Variants in MAFF observed in about 807,000 individuals in gnomAD.
The protein encoded by MAFF is transcription factor MafF.
Under a neutral mutation model 2.7 loss-of-function variants are expected in MAFF, and 4 were observed. That is an observed-to-expected ratio of 1.48 (90% CI 0.73 to 3.39). The LOEUF (loss-of-function observed/expected upper bound fraction) is 3.39. MAFF is among the 30% of genes most tolerant of loss of function. The probability of loss-of-function intolerance (pLI) is 0.01; values close to 1 mark genes in which losing one functional copy is unlikely to be tolerated. For missense variants in MAFF, 190 were observed against 246.6 expected (o/e 0.77, Z 1.54); for synonymous variants, 113 against 119.4 (o/e 0.95, Z 0.35).
intron 1 of MAFF, among the ~76,000 whole-genome samples, chr22:38,209,286 C>T (rs957300448): frequency 1.4e-4 from 21 of 151,816 alleles, no homozygotes; most frequent in Non-Finnish European, 2.9e-4. Flanking sequence ...AGGATGGTCT[C>T]AATCTCCTTA....
intron 1 of MAFF, among the ~76,000 whole-genome samples, chr22:38,207,751 C>T (rs1036993229): frequency 1.3e-5 from 2 of 152,272 alleles, no homozygotes; most frequent in East Asian, 3.9e-4. Context: ...GTGTGCACCA[C>T]TGCACCCGGC....
In MAFF at chr22:38,214,914, G is replaced by A. The variant is rs1397592108; in HGVS notation, c.*36G>A. The A allele has an allele frequency of 1.0e-5, 15 of 1,429,148 alleles. No homozygotes were observed. The highest frequency in any genetic ancestry group is 1.8e-4 in the Middle Eastern group (1 of 5,696). The allele number at this position is 1,429,148 out of a possible 1,614,324, so 88.5% of individuals were successfully genotyped here. On this transcript the variant is annotated 3_prime_UTR_variant, in exon 3 of 3. Coordinates refer to ENST00000338483, the MANE Select transcript of MAFF (RefSeq NM_012323.4). The surrounding 1 kb of genome is among the most constrained non-coding windows in gnomAD (Gnocchi z 6.3). ...CGCCATGCCTCAGCCACGCCCCTCC[G>A]GCCTCAGCTCCCTCCCCAAAGTGCC...
intron 1 of MAFF, chr22:38,205,580 C>T (rs976548865): frequency 2.0e-4 from 30 of 152,188 alleles, no homozygotes; most frequent in African/African-American, 7.0e-4. Context: ...AGTTGTCAGT[C>T]CCTCAAGAGT....
rs748490230 is a variant in MAFF at position 38,215,147 on chromosome 22, TGA to T, written c.*274_*275del. ...GGCTGAAAGTTTAGCCTTTTTAGAT[TGA>T]GAGATACAGAGCCGGCTTAGAGAAC... On this transcript the variant is annotated 3_prime_UTR_variant, in exon 3 of 3. Coordinates refer to ENST00000338483, the MANE Select transcript of MAFF (RefSeq NM_012323.4). The T allele has an allele frequency of 3.6e-5, 15 of 421,532 alleles. No homozygotes were observed. The highest frequency in any genetic ancestry group is 3.9e-4 in the Middle Eastern group (1 of 2,532). 26.1% of individuals were successfully genotyped at this position (421,532 alleles called of 1,614,324 possible).
At chr22:38,210,658 G>GTGTA (rs1036031768) in intron 1 of MAFF, among the ~76,000 whole-genome samples, 7 of 151,584 alleles carry the variant, frequency 4.6e-5, no homozygotes, top group African/African-American at 1.5e-4. Context: ...GTGTGTGTGT[G>GTGTA]TGTCCGTGTG....
intron 1 of MAFF, among the ~76,000 whole-genome samples, chr22:38,205,992 A>T (rs1399329471): frequency 1.3e-5 from 2 of 152,124 alleles, no homozygotes; most frequent in Non-Finnish European, 1.5e-5. Flanking sequence ...GACATCCAGG[A>T]TGCGGTTGAG....
intron 1 of MAFF, among the ~76,000 whole-genome samples, chr22:38,210,529 G>A (rs927523076): frequency 6.6e-6 from 1 of 151,978 alleles, no homozygotes; most frequent in African/African-American, 2.4e-5. Context: ...TAATCGGGGG[G>A]TTGGGAGGGA....
In MAFF at chr22:38,215,007, C is replaced by A; in HGVS notation, c.*129C>A. The stretch of plus-strand genomic sequence containing the variant: ...TGGCCCCTTGGTGCACACACATTCC[C>A]TTCGTGGGCCCTGTCTTCCTCTTGC... On this transcript the variant is annotated 3_prime_UTR_variant, in exon 3 of 3. Transcript: ENST00000338483. The A allele has an allele frequency of 1.4e-6, 1 of 713,614 alleles. No homozygotes were observed. Among genetic ancestry groups the A allele is most frequent in the South Asian group, 1.6e-5 (1 of 60,792 alleles). 44.2% of individuals were successfully genotyped at this position (713,614 alleles called of 1,614,324 possible).
Position 38,214,287 on chromosome 22 carries a change from C to T in MAFF, c.37-133C>T. 1 of 885,674 alleles carries T rather than the reference C, an allele frequency of 1.1e-6. No individual in the cohort carries two copies. Among genetic ancestry groups the T allele is most frequent in the Non-Finnish European group, 1.7e-6 (1 of 600,034 alleles). The allele number at this position is 885,674 out of a possible 1,614,324, so 54.9% of individuals were successfully genotyped here. The stretch of plus-strand genomic sequence containing the variant: ...GGCCCGGTTTCCCCTTCCCGGATTC[C>T]TGCTCCCCTTCGGGGTTTTGGATCA... On this transcript the variant is annotated intron_variant, in intron 2 of 2. Transcript: ENST00000338483. This position sits in a 1 kb window ranked among gnomAD's most constrained non-coding sequence, Gnocchi z 6.3.
chr22:38,210,416 G>A (rs1304939409), intron 1 of MAFF, among the ~76,000 whole-genome samples: 2 of 152,302 alleles, frequency 1.3e-5, no homozygotes, highest in East Asian at 1.9e-4. Context: ...TGAGAACTCA[G>A]CAAGGATTCC....
intron 1 of MAFF, among the ~76,000 whole-genome samples, chr22:38,204,469 G>C (rs1450242049): frequency 1.3e-5 from 2 of 152,296 alleles, no homozygotes; most frequent in South Asian, 2.1e-4. Flanking sequence ...GCCCAGCACA[G>C]AGCCTGGAAC....
intron 1 of MAFF, among the ~76,000 whole-genome samples, chr22:38,205,960 G>A (rs939217925): frequency 1.2e-4 from 19 of 152,216 alleles, no homozygotes; most frequent in Non-Finnish European, 2.2e-4. Context: ...GACATTCCTG[G>A]GCAAACGTGG....
At chr22:38,209,745 C>T (rs982814816) in intron 1 of MAFF, among the ~76,000 whole-genome samples, 1 of 124,808 alleles carries the variant, frequency 8.0e-6, no homozygotes, top group Non-Finnish European at 1.6e-5. Flanking sequence ...ACCCAGGAGG[C>T]GGAGGTTGCA....
At chr22:38,213,655 A>G (rs2091119414) in intron 1 of MAFF, 168 bp from the exon 2 acceptor site, 2 of 690,654 alleles carry the variant, frequency 2.9e-6, no homozygotes, top group Non-Finnish European at 5.3e-6. Flanking sequence ...CGCGGCTGGA[A>G]GGAGCCATTC....
chr22:38,207,422 T>G (rs1398463837), intron 1 of MAFF, among the ~76,000 whole-genome samples: 2 of 108,144 alleles, frequency 1.8e-5, no homozygotes, highest in East Asian at 5.9e-4. Flanking sequence ...TGCTTGGCCA[T>G]CTTTTTTTTT....
intron 1 of MAFF, among the ~76,000 whole-genome samples, chr22:38,211,265 C>T (rs2091099108): frequency 6.6e-6 from 1 of 150,588 alleles, no homozygotes; most frequent in African/African-American, 2.5e-5. Flanking sequence ...GTCTCACTCT[C>T]GCCCAGGCTG....
intron 1 of MAFF, among the ~76,000 whole-genome samples, chr22:38,208,578 G>A (rs1420267945): frequency 6.6e-6 from 1 of 152,186 alleles, no homozygotes; most frequent in Non-Finnish European, 1.5e-5. Flanking sequence ...GCTGGGTGAT[G>A]GCGTCAGAGA....
In MAFF at chr22:38,215,163, G is replaced by A. The variant is rs955138586; in HGVS notation, c.*285G>A. On this transcript the variant is annotated 3_prime_UTR_variant, in exon 3 of 3. Coordinates refer to ENST00000338483, the MANE Select transcript of MAFF (RefSeq NM_012323.4). ...TTTTTAGATTGAGAGATACAGAGCC[G>A]GCTTAGAGAACAGCTGTTGGGGGAG... 2.6e-6 allele frequency: 1 copy of A among 382,174 alleles called. No homozygotes were observed. 23.7% of individuals were successfully genotyped at this position (382,174 alleles called of 1,614,324 possible).
chr22:38,204,265 A>G (rs1282404715), intron 1 of MAFF, among the ~76,000 whole-genome samples: 1 of 152,200 alleles, frequency 6.6e-6, no homozygotes, highest in Non-Finnish European at 1.5e-5. Flanking sequence ...AAGTAAATGC[A>G]AAACACAGCT....
Sources: gnomAD v4.1 joint callset for allele counts (sites outside exome capture counted in the v4.1 genomes callset) on GRCh38, gnomAD v4.1.1 for gene constraint, Gnocchi (gnomAD v3.1) non-coding constraint, MANE v1.5 for transcripts, NCBI Gene and HGNC (gene_info 2026-07-23, HGNC 2026-07-21) for gene names.